Variants in EYS observed in about 807,000 individuals in gnomAD.
EYS encodes the protein protein eyes shut homolog.
In EYS, 250 loss-of-function variants were observed where a neutral mutation model predicts 282.1. The observed-to-expected ratio is 0.89, with a 90% CI of 0.80 to 0.98. The LOEUF (loss-of-function observed/expected upper bound fraction) is 0.98. EYS is among the 50% of genes least tolerant of loss of function. The pLI, the probability that EYS is intolerant of heterozygous loss-of-function variation, is 0.00. For missense variants in EYS, 4,016 were observed against 3,709.0 expected (o/e 1.08, Z -2.15); for synonymous variants, 1,355 against 1,282.9 (o/e 1.06, Z -1.20).
At chr6:64,807,528 T>C (rs974693387) in intron 22 of EYS, among the ~76,000 whole-genome samples, 5 of 152,124 alleles carry the variant, frequency 3.3e-5, no homozygotes, top group Non-Finnish European at 7.4e-5. Flanking sequence ...TTAAATAACA[T>C]ATATAGTTTG....
chr6:64,196,472 T>C (rs1469550348), intron 31 of EYS, among the ~76,000 whole-genome samples: 1 of 152,078 alleles, frequency 6.6e-6, no homozygotes, highest in Non-Finnish European at 1.5e-5. Flanking sequence ...CTATTCACAA[T>C]AGCAAAGACT....
At chr6:65,093,410 T>C (rs1429530982) in intron 12 of EYS, among the ~76,000 whole-genome samples, 1 of 151,934 alleles carries the variant, frequency 6.6e-6, no homozygotes, top group Non-Finnish European at 1.5e-5. Flanking sequence ...ATAATTCTAA[T>C]ATAAAAGTTA....
chr6:64,320,937 A>G (rs1175936198), intron 29 of EYS, among the ~76,000 whole-genome samples: 2 of 151,808 alleles, frequency 1.3e-5, no homozygotes, highest in African/African-American at 2.4e-5. Context: ...TTTTTAAACG[A>G]AAAATTCCAC....
chr6:63,905,868 C>T (rs982487326), intron 35 of EYS, among the ~76,000 whole-genome samples: 2 of 152,188 alleles, frequency 1.3e-5, no homozygotes, highest in African/African-American at 4.8e-5. Flanking sequence ...ACTCCTATCC[C>T]CGTTATGGCC....
At chr6:64,208,392 A>G (rs1413320217) in intron 31 of EYS, among the ~76,000 whole-genome samples, 2 of 152,230 alleles carry the variant, frequency 1.3e-5, no homozygotes, top group Non-Finnish European at 2.9e-5. Flanking sequence ...AGAGCACATT[A>G]TACTTTAGAG....
intron 31 of EYS, among the ~76,000 whole-genome samples, chr6:64,184,177 G>GT (rs1764865009): frequency 6.6e-6 from 1 of 152,040 alleles, no homozygotes; most frequent in Non-Finnish European, 1.5e-5. Context: ...TGACTCCTTA[G>GT]TGCCTGTCTC....
At chr6:64,366,670 A>T (rs765256097) in intron 29 of EYS, among the ~76,000 whole-genome samples, 20 of 152,088 alleles carry the variant, frequency 1.3e-4, no homozygotes, top group African/African-American at 4.8e-4. Flanking sequence ...TTGCAAGAAC[A>T]GGATGAGGTT....
intron 30 of EYS, among the ~76,000 whole-genome samples, chr6:64,234,657 C>T (rs932304893): frequency 1.3e-5 from 2 of 152,102 alleles, no homozygotes; most frequent in African/African-American, 4.8e-5. Context: ...TATATTTTGT[C>T]ATTCTCAAAA....
chr6:65,293,479 C>T (rs947551407), intron 12 of EYS, among the ~76,000 whole-genome samples: 8 of 151,940 alleles, frequency 5.3e-5, no homozygotes, highest in Non-Finnish European at 1.2e-4. Context: ...GTATCAGCTT[C>T]TTCAAGAACT....
At chr6:64,822,467 G>A (rs1401355091) in intron 20 of EYS, among the ~76,000 whole-genome samples, 184 bp downstream of exon 20, 1 of 152,000 alleles carries the variant, frequency 6.6e-6, no homozygotes, top group African/African-American at 2.4e-5. Flanking sequence ...GAAGGGCAGA[G>A]ATAATGTATC....
intron 11 of EYS, among the ~76,000 whole-genome samples, chr6:65,311,135 C>T (rs1166257789): frequency 6.6e-6 from 1 of 151,632 alleles, no homozygotes; most frequent in African/African-American, 2.4e-5. Flanking sequence ...GCCAAAAGGC[C>T]GAGAAGCGAT....
In EYS at chr6:65,521,242, C is replaced by T. The variant is rs141589762; in HGVS notation, c.-332-25249G>A. Among the ~76,000 whole-genome samples the T allele has an allele frequency of 1.5e-3, 235 of 152,212 alleles. 2 individuals are homozygous for T. The highest frequency in any genetic ancestry group is 5.1e-3 in the African/African-American group (211 of 41,570). ...CATATATACGTGTTGTATCAAATCACTGCAGTACTTAAGTACAGAGGCTCT... is the reference window on the plus strand; with the variant it reads ...CATATATACGTGTTGTATCAAATCATTGCAGTACTTAAGTACAGAGGCTCT... On this transcript the variant is annotated intron_variant, in intron 2 of 42. Transcript: ENST00000503581.
At chr6:63,842,109 C>A (rs2149697891) in intron 36 of EYS, among the ~76,000 whole-genome samples, 1 of 152,284 alleles carries the variant, frequency 6.6e-6, no homozygotes, top group East Asian at 1.9e-4. Flanking sequence ...GATTTATCAT[C>A]CTTTGGGTAT....
chr6:64,304,854 C>T (rs1055720469), intron 30 of EYS, among the ~76,000 whole-genome samples: 3 of 151,894 alleles, frequency 2.0e-5, no homozygotes, highest in East Asian at 1.9e-4. Context: ...CCAAAATGTA[C>T]GAGATGCAGT....
At chr6:65,614,923 T>A (rs1941817306) in intron 2 of EYS, among the ~76,000 whole-genome samples, 1 of 152,250 alleles carries the variant, frequency 6.6e-6, no homozygotes, top group African/African-American at 2.4e-5. Context: ...TGTGTGTGCA[T>A]GTATACACAC....
intron 12 of EYS, among the ~76,000 whole-genome samples, chr6:65,108,001 T>C (rs1215296221): frequency 6.6e-6 from 1 of 152,108 alleles, no homozygotes; most frequent in Non-Finnish European, 1.5e-5. Flanking sequence ...ATATTCTTGT[T>C]TTATACAATC....
chr6:63,808,594 A>G (rs1163093375), intron 36 of EYS, among the ~76,000 whole-genome samples: 1 of 152,204 alleles, frequency 6.6e-6, no homozygotes, highest in African/African-American at 2.4e-5. Context: ...CATTAAGGCA[A>G]TGGTGTGATA....
intron 19 of EYS, among the ~76,000 whole-genome samples, chr6:64,869,093 C>A (rs1433370205): frequency 6.6e-6 from 1 of 151,396 alleles, no homozygotes; most frequent in East Asian, 1.9e-4. Flanking sequence ...TTTTATCATA[C>A]CTTACACTTC....
At chr6:64,784,446 AG>A (rs1583155243) in intron 22 of EYS, among the ~76,000 whole-genome samples, 1 of 152,240 alleles carries the variant, frequency 6.6e-6, no homozygotes, top group East Asian at 1.9e-4. Flanking sequence ...CACTGTGAAT[AG>A]GTAATATGGT....
Sources: gnomAD v4.1 joint callset for allele counts (sites outside exome capture counted in the v4.1 genomes callset) on GRCh38, gnomAD v4.1.1 for gene constraint, MANE v1.5 for transcripts, NCBI Gene and HGNC (gene_info 2026-07-23, HGNC 2026-07-21) for gene names.